The following COX7A2L variants were observed in gnomAD, a reference collection of about 807,000 sequenced individuals.
COX7A2L encodes cytochrome c oxidase subunit 7A2 like.
Under a neutral mutation model 14.2 loss-of-function variants are expected in COX7A2L, and 18 were observed. That is an observed-to-expected ratio of 1.27 (90% CI 0.88 to 1.88). The LOEUF is 1.88. COX7A2L is among the 40% of genes most tolerant of loss of function. The pLI, the probability that COX7A2L is intolerant of heterozygous loss-of-function variation, is 0.00. For synonymous variants in COX7A2L, 65 were observed against 57.4 expected (o/e 1.13, Z -0.60); for missense variants, 179 against 138.8 (o/e 1.29, Z -1.46).
chr2:42,354,855 A>G (rs1399789811), intron 1 of COX7A2L, among the ~76,000 whole-genome samples: 2 of 152,232 alleles, frequency 1.3e-5, no homozygotes, highest in African/African-American at 4.8e-5. Context: ...ACAGCAGCTA[A>G]TATCTATTTA....
intron 1 of COX7A2L, among the ~76,000 whole-genome samples, chr2:42,367,332 C>T (rs966489309): frequency 3.9e-5 from 6 of 152,146 alleles, no homozygotes; most frequent in Non-Finnish European, 8.8e-5. Flanking sequence ...GGATTAGCCA[C>T]GTATTACCAG....
At chr2:42,364,058 T>C (rs1319294977), upstream of COX7A2L, among the ~76,000 whole-genome samples, 1 of 152,108 alleles carries the variant, frequency 6.6e-6, no homozygotes, top group Non-Finnish European at 1.5e-5. Context: ...ATTCTCTCAT[T>C]TTTTCCAAGC....
downstream of COX7A2L, among the ~76,000 whole-genome samples, chr2:42,347,245 T>G (rs947044951): frequency 6.6e-6 from 1 of 150,508 alleles, no homozygotes; most frequent in Non-Finnish European, 1.5e-5. Context: ...ATATTTTATG[T>G]AGACAAAGGT....
chr2:42,368,129 C>T (rs960245467), intron 1 of COX7A2L, among the ~76,000 whole-genome samples: 1 of 152,208 alleles, frequency 6.6e-6, no homozygotes, highest in Non-Finnish European at 1.5e-5. Flanking sequence ...TCATTAAGAA[C>T]AACCGAGTGG....
In COX7A2L at chr2:42,351,041, G is replaced by A. The variant is rs562475922; in HGVS notation, c.*178C>T. On this transcript the variant is annotated 3_prime_UTR_variant, in exon 3 of 3. Transcript: ENST00000234301. ...TAAACAATGGCTTTAACTGTCGAAT[G>A]AGCTCTGACAAGCCATATGCATTTC... 3.3e-6 allele frequency: 2 copies of A among 613,300 alleles called. No individual in the cohort carries two copies. The highest frequency in any genetic ancestry group is 2.7e-5 in the South Asian group (1 of 36,620). 38.0% of individuals were successfully genotyped at this position (613,300 alleles called of 1,614,324 possible).
upstream of COX7A2L, among the ~76,000 whole-genome samples, chr2:42,364,648 A>G (rs533507458): frequency 6.6e-6 from 1 of 152,298 alleles, no homozygotes; most frequent in Non-Finnish European, 1.5e-5. Flanking sequence ...GTTTTTGTCA[A>G]ATAAAGCCCT....
chr2:42,349,593 C>A lies in COX7A2L; in HGVS notation c.*1626G>T, dbSNP rs1161610201. 1 of 152,146 alleles carries A rather than the reference C, an allele frequency of 6.6e-6. No homozygotes were observed. Among genetic ancestry groups the A allele is most frequent in the African/African-American group, 2.4e-5 (1 of 41,442 alleles). The allele number at this position is 152,146 out of a possible 1,614,324, so 9.4% of individuals were successfully genotyped here. ...CAATGAATTGTACACTTGAGGTGAACTGTACAGTATGTAAATTATATCCCA... is the reference window on the plus strand; with the variant it reads ...CAATGAATTGTACACTTGAGGTGAAATGTACAGTATGTAAATTATATCCCA... On this transcript the variant is annotated 3_prime_UTR_variant, in exon 3 of 3. Coordinates refer to ENST00000234301, the MANE Select transcript of COX7A2L (RefSeq NM_004718.4).
intron 2 of COX7A2L, among the ~76,000 whole-genome samples, chr2:42,352,367 C>A (rs1670675598): frequency 6.6e-6 from 1 of 152,082 alleles, no homozygotes. Flanking sequence ...TCTCGTTATG[C>A]TGCCCAGGCT....
rs189618859 is a variant in COX7A2L at position 42,350,160 on chromosome 2, G to A, written c.*1059C>T. The A allele has an allele frequency of 1.3e-5, 2 of 152,090 alleles. No individual in the cohort carries two copies. The highest frequency in any genetic ancestry group is 4.8e-5 in the African/African-American group (2 of 41,374). The allele number at this position is 152,090 out of a possible 1,614,324, so 9.4% of individuals were successfully genotyped here. On this transcript the variant is annotated 3_prime_UTR_variant, in exon 3 of 3. Transcript: ENST00000234301. ...CAAGAGGTCACTGTTCTGTGCTATGGTAAGATACAAACTATTCCTTCATAT... is the reference window on the plus strand; with the variant it reads ...CAAGAGGTCACTGTTCTGTGCTATGATAAGATACAAACTATTCCTTCATAT...
upstream of COX7A2L, chr2:42,365,821 A>G (rs1671153652): frequency 6.6e-6 from 1 of 152,204 alleles, no homozygotes; most frequent in South Asian, 2.1e-4. Context: ...AAGGGTGACT[A>G]AAGGGCCATT....
chr2:42,341,070 C>T (rs1670395829), intron 2 of COX7A2L, among the ~76,000 whole-genome samples: 1 of 152,130 alleles, frequency 6.6e-6, no homozygotes, highest in African/African-American at 2.4e-5. Flanking sequence ...TAACGTGTCA[C>T]ATCCATAATC....
At chr2:42,341,357 C>T (rs1670401017) in intron 2 of COX7A2L, among the ~76,000 whole-genome samples, 1 of 152,184 alleles carries the variant, frequency 6.6e-6, no homozygotes, top group South Asian at 2.1e-4. Context: ...ACACTTCCCT[C>T]CCGACCTGCC....
chr2:42,361,309 C>A (rs886756726), upstream of COX7A2L: 25 of 693,482 alleles, frequency 3.6e-5, no homozygotes, highest in South Asian at 1.6e-4. Context: ...TTAAAACCTG[C>A]ACACTTAAGC....
At chr2:42,345,247 G>C (rs1196828686), downstream of COX7A2L, among the ~76,000 whole-genome samples, 1 of 151,962 alleles carries the variant, frequency 6.6e-6, no homozygotes, top group Non-Finnish European at 1.5e-5. Context: ...GCCAGGTCTG[G>C]TGGCACACAC....
chr2:42,356,653 G>A (rs1395281265), intron 1 of COX7A2L, among the ~76,000 whole-genome samples: 5 of 152,216 alleles, frequency 3.3e-5, no homozygotes, highest in East Asian at 1.9e-4. Flanking sequence ...CAGGCTGGGC[G>A]TAATGGCTCA....
At chr2:42,345,590 T>A (rs1299576955), downstream of COX7A2L, among the ~76,000 whole-genome samples, 1 of 152,160 alleles carries the variant, frequency 6.6e-6, no homozygotes, top group East Asian at 1.9e-4. Flanking sequence ...CACCCCTTGG[T>A]GGGACAAGAA....
Position 42,350,186 on chromosome 2 carries a change from A to G in COX7A2L, c.*1033T>C, listed in dbSNP as rs544834646. ...TAAGATACAAACTATTCCTTCATAT[A>G]TAATAAAATTCCACCTTTTTTCAAA... On this transcript the variant is annotated 3_prime_UTR_variant, in exon 3 of 3. Transcript: ENST00000234301. 6.6e-6 allele frequency: 1 copy of G among 152,324 alleles called. No homozygotes were observed. The highest frequency in any genetic ancestry group is 2.4e-5 in the African/African-American group (1 of 41,576). 9.4% of individuals were successfully genotyped at this position (152,324 alleles called of 1,614,324 possible).
chr2:42,346,491 A>G (rs1252609534), downstream of COX7A2L, among the ~76,000 whole-genome samples: 1 of 152,092 alleles, frequency 6.6e-6, no homozygotes, highest in African/African-American at 2.4e-5. Context: ...ATCAATAAGT[A>G]CTCTGGGCCA....
In COX7A2L at chr2:42,338,381, T is replaced by C. The variant is rs1670329477; in HGVS notation, c.193-4512A>G. 6.6e-6 allele frequency among the ~76,000 whole-genome samples: 1 copy of C among 152,146 alleles called. No homozygotes were observed. Among genetic ancestry groups the C allele is most frequent in the South Asian group, 2.1e-4 (1 of 4,828 alleles). ...AAAGGAAGAGCAGAATTTCACTCTCTAGCAGAGCCCTCCCAAGACTGCCGC... is the reference window on the plus strand; with the variant it reads ...AAAGGAAGAGCAGAATTTCACTCTCCAGCAGAGCCCTCCCAAGACTGCCGC... On this transcript the variant is annotated intron_variant, in intron 2 of 2. Coordinates refer to the COX7A2L transcript ENST00000468711. The surrounding 1 kb of genome is among the most constrained non-coding windows in gnomAD (Gnocchi z 4.4).
Sources: allele counts gnomAD v4.1 joint callset (sites outside exome capture counted in the v4.1 genomes callset), GRCh38; gene constraint gnomAD v4.1.1; non-coding constraint Gnocchi (gnomAD v3.1); transcripts MANE v1.5; gene names NCBI Gene and HGNC (gene_info 2026-07-23, HGNC 2026-07-21).